Variants in WNT7A observed in about 807,000 individuals in gnomAD.
WNT7A encodes Wnt family member 7A, also known as protein Wnt-7a.
In WNT7A, 16 loss-of-function variants were observed where a neutral mutation model predicts 28.2. That is an observed-to-expected ratio of 0.57 (90% confidence interval 0.38 to 0.86). The LOEUF (loss-of-function observed/expected upper bound fraction) is 0.86. Among genes scored for constraint, WNT7A ranks in the 40% least tolerant of loss-of-function variants. The pLI is 0.00. For missense variants in WNT7A, 411 were observed against 489.7 expected (o/e 0.84, Z 1.52); for synonymous variants, 190 against 195.9 (o/e 0.97, Z 0.25).
At chr3:13,861,725 G>C (rs1694835124) in intron 2 of WNT7A, among the ~76,000 whole-genome samples, 1 of 152,158 alleles carries the variant, frequency 6.6e-6, no homozygotes, top group African/African-American at 2.4e-5. Context: ...GGCGGGTGTG[G>C]ATTCTGCCAG....
In WNT7A at chr3:13,876,968, A is replaced by C. The variant is rs557471038; in HGVS notation, c.72-1795T>G. On this transcript the variant is annotated intron_variant, in intron 1 of 3. Transcript: ENST00000285018. ...GTCTGTGTTTTTAATTTGCATGCTC[A>C]CTTGATCACTTGTCTTCCTCCTGAG... The C allele has an allele frequency of 3.3e-5, 5 of 152,272 alleles. No individual in the cohort carries two copies. In the East Asian group the frequency reaches 7.7e-4, roughly 24 times the overall value. 9.4% of individuals were successfully genotyped at this position (152,272 alleles called of 1,614,324 possible).
intron 3 of WNT7A, among the ~76,000 whole-genome samples, chr3:13,853,758 G>A (rs946447417): frequency 6.6e-6 from 1 of 152,208 alleles, no homozygotes; most frequent in African/African-American, 2.4e-5. Flanking sequence ...CTGACTTGCT[G>A]CGGGCCACGT....
intron 3 of WNT7A, among the ~76,000 whole-genome samples, chr3:13,853,728 C>G (rs1382668745): frequency 6.6e-6 from 1 of 152,218 alleles, no homozygotes; most frequent in African/African-American, 2.4e-5. Context: ...GAACACACTC[C>G]CACGGGATCC....
At chr3:13,853,179 G>A (rs1694666955) in intron 3 of WNT7A, among the ~76,000 whole-genome samples, 1 of 152,160 alleles carries the variant, frequency 6.6e-6, no homozygotes, top group Non-Finnish European at 1.5e-5. Context: ...TGTGTGCCAC[G>A]CTCTGGAGTG....
At chr3:13,852,756 C>T (rs1694660631) in intron 3 of WNT7A, among the ~76,000 whole-genome samples, 1 of 152,164 alleles carries the variant, frequency 6.6e-6, no homozygotes, top group South Asian at 2.1e-4. Context: ...CTGGTACCCT[C>T]TCTGAGCCTC....
chr3:13,853,102 A>AGAACCAT (rs3044861), intron 3 of WNT7A, among the ~76,000 whole-genome samples: 102,563 of 151,376 alleles, frequency 0.68, 36,346 homozygotes, highest in East Asian at 0.92. Context: ...CTTCTGCCCC[A>AGAACCAT]CAGTGGCTCC....
chr3:13,831,831 G>A (rs1473672010), intron 3 of WNT7A, among the ~76,000 whole-genome samples: 2 of 152,100 alleles, frequency 1.3e-5, no homozygotes, highest in Admixed American at 6.5e-5. Context: ...AACTTCTCTC[G>A]ATGCCCAGGG....
At chr3:13,835,704 C>G (rs1694356596) in intron 3 of WNT7A, among the ~76,000 whole-genome samples, 1 of 152,266 alleles carries the variant, frequency 6.6e-6, no homozygotes, top group Admixed American at 6.5e-5. Flanking sequence ...GAAACACACT[C>G]ACACACAAAC....
At chr3:13,822,165 A>G (rs976656738) in intron 3 of WNT7A, among the ~76,000 whole-genome samples, 13 of 152,270 alleles carry the variant, frequency 8.5e-5, no homozygotes, top group African/African-American at 3.1e-4. Context: ...TCTGGAAAAC[A>G]GTCTGGCAGC....
intron 3 of WNT7A, among the ~76,000 whole-genome samples, chr3:13,833,983 G>A (rs1694324285): frequency 6.6e-6 from 1 of 152,204 alleles, no homozygotes; most frequent in Non-Finnish European, 1.5e-5. Context: ...TCTGGAGGGG[G>A]AGGTGGCTGT....
At chr3:13,873,098 T>C (rs1369283939) in intron 2 of WNT7A, among the ~76,000 whole-genome samples, 1 of 151,930 alleles carries the variant, frequency 6.6e-6, no homozygotes, top group Admixed American at 6.5e-5. Context: ...ACAAGACAGA[T>C]TAAGCAACCT....
chr3:13,830,761 C>G (rs1694269710), intron 3 of WNT7A, among the ~76,000 whole-genome samples: 1 of 152,182 alleles, frequency 6.6e-6, no homozygotes, highest in Non-Finnish European at 1.5e-5. Flanking sequence ...CCAGGGCAGA[C>G]AGAGCTCCCC....
intron 2 of WNT7A, among the ~76,000 whole-genome samples, chr3:13,870,591 C>T (rs917140454): frequency 4.6e-5 from 7 of 152,200 alleles, no homozygotes; most frequent in African/African-American, 1.7e-4. Flanking sequence ...GCACTGTTGC[C>T]CTTGGCCACT....
At chr3:13,856,936 A>AAGGAGAAGG (rs1694748718) in intron 2 of WNT7A, among the ~76,000 whole-genome samples, 1 of 114,124 alleles carries the variant, frequency 8.8e-6, no homozygotes, top group African/African-American at 4.6e-5. Context: ...GAAGAAGAAG[A>AAGGAGAAGG]AGAAGAAGAA....
intron 2 of WNT7A, among the ~76,000 whole-genome samples, chr3:13,869,773 T>TTA (rs1695002287): frequency 6.6e-6 from 1 of 151,962 alleles, no homozygotes; most frequent in African/African-American, 2.4e-5. Flanking sequence ...GTGAAGGCCT[T>TTA]CTTAGACACC....
At chr3:13,868,244 A>G in intron 2 of WNT7A, among the ~76,000 whole-genome samples, 1 of 151,990 alleles carries the variant, frequency 6.6e-6, no homozygotes. Context: ...CTGTAATCCC[A>G]TTGCTTTGGG....
chr3:13,874,507 T>A (rs934580872), intron 2 of WNT7A, among the ~76,000 whole-genome samples: 1 of 152,148 alleles, frequency 6.6e-6, no homozygotes, highest in Non-Finnish European at 1.5e-5. Context: ...GTGAATGGGT[T>A]GCCCATTCAC....
At chr3:13,843,225 C>A (rs1438040957) in intron 3 of WNT7A, among the ~76,000 whole-genome samples, 1 of 152,166 alleles carries the variant, frequency 6.6e-6, no homozygotes, top group African/African-American at 2.4e-5. Flanking sequence ...TTGACTGTGG[C>A]TTTAAAATCA....
chr3:13,843,931 G>C (rs1194900586), intron 3 of WNT7A, among the ~76,000 whole-genome samples: 24 of 152,086 alleles, frequency 1.6e-4, no homozygotes, highest in Non-Finnish European at 4.4e-5. Flanking sequence ...ATTTTTAGTA[G>C]AGATGGGTTT....
Sources: gnomAD v4.1 joint callset for allele counts (sites outside exome capture counted in the v4.1 genomes callset) on GRCh38, gnomAD v4.1.1 for gene constraint, MANE v1.5 for transcripts, NCBI Gene and HGNC (gene_info 2026-07-23, HGNC 2026-07-21) for gene names.